Variants in CPM observed in about 807,000 individuals in gnomAD.
CPM encodes the protein renal carboxypeptidase.
CPM carries 35 observed loss-of-function variants against 46.4 expected under a neutral mutation model. The ratio of observed to expected loss-of-function variants is 0.75; its 90% CI spans 0.58 to 1.00. CPM has a LOEUF of 1.00. CPM is among the 50% of genes least tolerant of loss of function. The pLI is 0.00. For missense variants in CPM, 422 were observed against 530.4 expected (o/e 0.80, Z 2.01); for synonymous variants, 195 against 195.3 (o/e 1.00, Z 0.01).
At chr12:68,913,938 T>A in intron 2 of CPM, 7 of 719,776 alleles carry the variant, frequency 9.7e-6, no homozygotes, top group Non-Finnish European at 1.8e-5. Flanking sequence ...TGACCTGTGC[T>A]ACAGATACAC....
intron 3 of CPM, among the ~76,000 whole-genome samples, chr12:68,881,237 A>G (rs1377522016): frequency 6.6e-6 from 1 of 152,232 alleles, no homozygotes; most frequent in Non-Finnish European, 1.5e-5. Context: ...TTCCAGTTTG[A>G]AGTAAAGTCA....
intron 2 of CPM, among the ~76,000 whole-genome samples, chr12:68,921,606 CT>C (rs1888046537): frequency 6.6e-6 from 1 of 152,158 alleles, no homozygotes; most frequent in Non-Finnish European, 1.5e-5. Context: ...GTGTCCTTTA[CT>C]GCCTGAAAGT....
At chr12:68,948,927 G>C (rs1036430197) in intron 1 of CPM, among the ~76,000 whole-genome samples, 12 of 152,170 alleles carry the variant, frequency 7.9e-5, no homozygotes, top group Non-Finnish European at 1.6e-4. Context: ...GGAGGTAAAA[G>C]TACTCATAAC....
At chr12:68,938,437 A>C (rs573052785) in intron 1 of CPM, among the ~76,000 whole-genome samples, 36 of 152,182 alleles carry the variant, frequency 2.4e-4, no homozygotes, top group Middle Eastern at 3.4e-3. Context: ...CAATCAAACA[A>C]ACACACACAC....
upstream of CPM, among the ~76,000 whole-genome samples, chr12:68,936,584 A>G (rs1345518398): frequency 2.0e-5 from 3 of 152,058 alleles, no homozygotes; most frequent in Non-Finnish European, 4.4e-5. Context: ...GGGTTTCACC[A>G]CGTTGGCCAG....
intron 6 of CPM, among the ~76,000 whole-genome samples, chr12:68,867,866 T>G (rs1885523519): frequency 6.6e-6 from 1 of 152,200 alleles, no homozygotes; most frequent in Non-Finnish European, 1.5e-5. Flanking sequence ...CAGGCAGGCA[T>G]TATGGATCCC....
chr12:68,917,295 T>C (rs1386084437), intron 2 of CPM, among the ~76,000 whole-genome samples: 2 of 152,260 alleles, frequency 1.3e-5, no homozygotes, highest in Non-Finnish European at 2.9e-5. Context: ...TCTGCGTTTA[T>C]TGGTTTGTCA....
chr12:68,860,412 C>T (rs771162505), intron 7 of CPM, among the ~76,000 whole-genome samples: 14 of 152,046 alleles, frequency 9.2e-5, no homozygotes, highest in Non-Finnish European at 2.1e-4. Flanking sequence ...AACCTGATTA[C>T]GCATTTATTC....
chr12:68,864,300 G>C (rs558945412), intron 7 of CPM, among the ~76,000 whole-genome samples: 1 of 152,104 alleles, frequency 6.6e-6, no homozygotes, highest in East Asian at 1.9e-4. Flanking sequence ...AAAATTAGCC[G>C]GGCATGATGG....
In CPM at chr12:68,853,232, C is replaced by T. The variant is rs921111501; in HGVS notation, c.*3205G>A. 32 of 152,102 alleles carry T rather than the reference C, an allele frequency of 2.1e-4. No individual in the cohort carries two copies. Among genetic ancestry groups the T allele is most frequent in the African/African-American group, 7.5e-4 (31 of 41,436 alleles). The allele number at this position is 152,102 out of a possible 1,614,324, so 9.4% of individuals were successfully genotyped here. On this transcript the variant is annotated 3_prime_UTR_variant, in exon 9 of 9. Coordinates refer to ENST00000551568, the MANE Select transcript of CPM (RefSeq NM_198320.5). ...ATCTTAGAAAAGTTAGAATTCAATG[C>T]CCAGTTGAAAAATTGCTTGGGGCTT... is the stretch of plus-strand genomic sequence containing the variant.
rs965394126 is a variant in CPM, at chr12:68,882,029, T to G, written c.258+3763A>C. On this transcript the variant is annotated intron_variant, in intron 3 of 8. Coordinates refer to ENST00000551568, the MANE Select transcript of CPM (RefSeq NM_198320.5). Reference sequence around the variant, plus strand: ...GAGCCACCACGCCCGGCCTGCTTTTTTTTTTTTTTTTTTTTTTAACATTTA... The same window carrying G: ...GAGCCACCACGCCCGGCCTGCTTTTGTTTTTTTTTTTTTTTTTAACATTTA... 4.2e-4 allele frequency among the ~76,000 whole-genome samples: 64 copies of G among 150,944 alleles called. 1 individual carries two copies. The highest frequency in any genetic ancestry group is 1.5e-3 in the African/African-American group (62 of 41,184).
At chr12:68,866,530 G>C (rs1885454946) in intron 7 of CPM, among the ~76,000 whole-genome samples, 1 of 152,130 alleles carries the variant, frequency 6.6e-6, no homozygotes, top group African/African-American at 2.4e-5. Flanking sequence ...TTTCAGTAGA[G>C]ATGAGGTTTC....
chr12:68,858,794 CTA>C, intron 8 of CPM, 127 bp downstream of exon 8: 1 of 456,530 alleles, frequency 2.2e-6, no homozygotes, highest in South Asian at 1.0e-4. Context: ...AAGTCTGACA[CTA>C]TCCTTTCTTT....
intron 1 of CPM, among the ~76,000 whole-genome samples, chr12:68,962,975 G>A (rs973697757): frequency 7.2e-5 from 11 of 152,214 alleles, no homozygotes; most frequent in African/African-American, 2.2e-4. Flanking sequence ...GATGTCTCAT[G>A]TTTCCCTAAA....
rs115887857 is a variant in CPM at position 68,895,925 on chromosome 12, A to T, written c.161-10036T>A. ...AAACTTTCCTTTGTTTGGGTGATTG[A>T]TCATATGTGAACTGGATCCCATGGC... On this transcript the variant is annotated intron_variant, in intron 2 of 8. Coordinates refer to ENST00000551568, the MANE Select transcript of CPM (RefSeq NM_198320.5). Among the ~76,000 whole-genome samples the T allele has an allele frequency of 4.0e-3, 612 of 152,270 alleles. 2 individuals are homozygous for T. The highest frequency in any genetic ancestry group is 0.014 in the African/African-American group (582 of 41,554).
At chr12:68,940,872 G>A (rs964637958) in intron 1 of CPM, among the ~76,000 whole-genome samples, 1 of 151,942 alleles carries the variant, frequency 6.6e-6, no homozygotes, top group African/African-American at 2.4e-5. Flanking sequence ...CATCTTAACT[G>A]TTTCTAAGTG....
chr12:68,880,520 G>A (rs1886143154), intron 3 of CPM, among the ~76,000 whole-genome samples: 1 of 152,140 alleles, frequency 6.6e-6, no homozygotes, highest in African/African-American at 2.4e-5. Flanking sequence ...CAACAACTTA[G>A]TATCCATCCC....
chr12:68,937,886 T>C (rs1888697202), upstream of CPM, among the ~76,000 whole-genome samples: 1 of 152,048 alleles, frequency 6.6e-6, no homozygotes, highest in Non-Finnish European at 1.5e-5. Context: ...AGCACAAAAG[T>C]GTTAGAGAGG....
At chr12:68,905,709 G>A (rs1887315646) in intron 2 of CPM, among the ~76,000 whole-genome samples, 1 of 151,948 alleles carries the variant, frequency 6.6e-6, no homozygotes, top group Non-Finnish European at 1.5e-5. Context: ...TACCCACAAA[G>A]GCAGAGGGAA....
Sources: gnomAD v4.1 joint callset for allele counts (sites outside exome capture counted in the v4.1 genomes callset) on GRCh38, gnomAD v4.1.1 for gene constraint, MANE v1.5 for transcripts, NCBI Gene and HGNC (gene_info 2026-07-23, HGNC 2026-07-21) for gene names.